The following KIAA0232 variants were observed in gnomAD, a reference collection of about 807,000 sequenced individuals.
The protein encoded by KIAA0232 is KIAA0232, also known as uncharacterized protein KIAA0232.
Under a neutral mutation model 122.0 loss-of-function variants are expected in KIAA0232, and 27 were observed. The ratio of observed to expected loss-of-function variants is 0.22; its 90% CI spans 0.16 to 0.31. KIAA0232 has a LOEUF of 0.31. Ranked by LOEUF, KIAA0232 falls within the 10% of genes least tolerant of loss-of-function variation. The pLI is 1.00. For synonymous variants in KIAA0232, 613 were observed against 587.6 expected (o/e 1.04, Z -0.63); for missense variants, 1,551 against 1,634.2 (o/e 0.95, Z 0.88).
rs1296368725 is a variant in KIAA0232, at chr4:6,826,493, T to C, written c.231+1809T>C. Among the ~76,000 whole-genome samples, 5 of 151,396 alleles carry C rather than the reference T, an allele frequency of 3.3e-5. No homozygotes were observed. In the East Asian group the frequency reaches 5.8e-4, roughly 18 times the overall value. Reference sequence around the variant, plus strand: ...GTACTTTATTGTAAGCATGTACTCATAGGGAATGATTTTTTTTTTTTTTTT... The same window carrying C: ...GTACTTTATTGTAAGCATGTACTCACAGGGAATGATTTTTTTTTTTTTTTT... On this transcript the variant is annotated intron_variant, in intron 3 of 9. Coordinates refer to ENST00000307659, the MANE Select transcript of KIAA0232 (RefSeq NM_014743.3).
At chr4:6,831,578 AG>A (rs1240853876) in intron 3 of KIAA0232, among the ~76,000 whole-genome samples, 2 of 152,190 alleles carry the variant, frequency 1.3e-5, no homozygotes, top group Non-Finnish European at 2.9e-5. Context: ...CTTTTTATTG[AG>A]GCATAAAATG....
chr4:6,829,371 A>G (rs149053128), intron 3 of KIAA0232, among the ~76,000 whole-genome samples: 64 of 152,198 alleles, frequency 4.2e-4, no homozygotes, highest in South Asian at 2.7e-3. Flanking sequence ...TGATACTTTT[A>G]CCATCCATTG....
chr4:6,823,648 A>G (rs112452468), intron 2 of KIAA0232, among the ~76,000 whole-genome samples: 11 of 152,200 alleles, frequency 7.2e-5, no homozygotes, highest in African/African-American at 2.4e-4. Flanking sequence ...TTATACTTAG[A>G]TATGAACTAG....
At chr4:6,854,850 A>G (rs989295481) in intron 4 of KIAA0232, among the ~76,000 whole-genome samples, 1 of 152,168 alleles carries the variant, frequency 6.6e-6, no homozygotes. Flanking sequence ...TCAAAATATT[A>G]TTGAATGGCC....
Position 6,855,380 on chromosome 4 carries a change from G to A in KIAA0232, c.370-1784G>A, listed in dbSNP as rs533409872. Among the ~76,000 whole-genome samples, 27 of 152,054 alleles carry A rather than the reference G, an allele frequency of 1.8e-4. 1 individual carries two copies. Among genetic ancestry groups the A allele is most frequent in the South Asian group, 4.2e-4 (2 of 4,814 alleles). ...TGGGATTACAGGTGTGAGCCGCTGC[G>A]CCCAGCTGATTTTTTAAAAAAATAT... On this transcript the variant is annotated intron_variant, in intron 4 of 9. Transcript: ENST00000307659. The surrounding 1 kb of genome is among the most constrained non-coding windows in gnomAD (Gnocchi z 4.3).
In KIAA0232 at chr4:6,861,512, A is replaced by T; in HGVS notation, c.1130A>T (p.Asp377Val). The T allele has an allele frequency of 6.2e-7, 1 of 1,614,122 alleles. No homozygotes were observed. Among genetic ancestry groups the T allele is most frequent in the Non-Finnish European group, 8.5e-7 (1 of 1,180,004 alleles). The change falls in exon 7 of 10, where the codon GAT (aspartate) becomes GTT (valine). Residue 377 changes from aspartate (D) to valine (V), a missense_variant. Transcript: ENST00000307659. ...CCTTTAAAAGAAATAGGGAGAAAAG[A>T]TCCTGGGAGCACTGAAGGAAAAGAC... ...KRPLKEIGRK[D>V]PGSTEGKDLY...
rs1347285404 is a variant in KIAA0232 at position 6,880,788 on chromosome 4, T to C, written c.4010T>C (p.Val1337Ala). 6.5e-7 allele frequency: 1 copy of C among 1,532,900 alleles called. No individual in the cohort carries two copies. Among genetic ancestry groups the C allele is most frequent in the Non-Finnish European group, 8.8e-7 (1 of 1,136,922 alleles). The allele number at this position is 1,532,900 out of a possible 1,614,324, so 95.0% of individuals were successfully genotyped here. The change falls in exon 10 of 10, where the codon GTG becomes GCG. Residue 1337 changes from valine (V) to alanine (A), a missense_variant and splice_region_variant. Physicochemically the swap from Val to Ala is moderately conservative, Grantham distance 64. Around this residue, in one of 5 missense-constraint regions of KIAA0232, gnomAD observed 1,108 missense variants for 1,154.8 expected, o/e 0.96. Coordinates refer to ENST00000307659, the MANE Select transcript of KIAA0232 (RefSeq NM_014743.3). ...NEERLLDFNR[V>A]SSVYEARCTG... ...TGTTGAAAATTGTTTTAATCTTAGG[T>C]GTCTTCTGTTTATGAAGCAAGATGT...
At chr4:6,832,418 G>A (rs1174329132) in intron 3 of KIAA0232, among the ~76,000 whole-genome samples, 4 of 148,820 alleles carry the variant, frequency 2.7e-5, no homozygotes, top group African/African-American at 9.9e-5. Context: ...GCGTGATCTC[G>A]GCTCACTGCA....
At position 6,846,403 on chromosome 4, in the gene KIAA0232, CT is replaced by C. The variant is rs1006249386; in HGVS notation, c.369+4200del. Among the ~76,000 whole-genome samples the C allele has an allele frequency of 4.8e-4, 73 of 152,288 alleles. 1 individual carries two copies. In the Middle Eastern group the frequency reaches 0.01, roughly 21 times the overall value. On this transcript the variant is annotated intron_variant, in intron 4 of 9. Transcript: ENST00000307659. ...GTGAACAGCGAGCAAGCTTTACCGC[CT>C]GAGCTCCGCCTCAGATCCGTTGTGG...
chr4:6,836,333 T>G (rs1288614653), intron 3 of KIAA0232, among the ~76,000 whole-genome samples: 1 of 151,312 alleles, frequency 6.6e-6, no homozygotes, highest in African/African-American at 2.4e-5. Context: ...TGTTTTTTGT[T>G]TTGTTTTTTT....
intron 3 of KIAA0232, among the ~76,000 whole-genome samples, chr4:6,834,612 A>T (rs1354836853): frequency 6.6e-6 from 1 of 152,210 alleles, no homozygotes; most frequent in Non-Finnish European, 1.5e-5. Flanking sequence ...AAACATGGTC[A>T]CTATAATATT....
Position 6,882,472 on chromosome 4 carries a change from A to G in KIAA0232, c.*1506A>G, listed in dbSNP as rs1001370630. 6.6e-6 allele frequency: 1 copy of G among 152,070 alleles called. No homozygotes were observed. The highest frequency in any genetic ancestry group is 1.5e-5 in the Non-Finnish European group (1 of 68,020). The allele number at this position is 152,070 out of a possible 1,614,324, so 9.4% of individuals were successfully genotyped here. A position where few individuals can be genotyped will look rare whatever the true frequency, so the allele number is the denominator to read the frequency against. The stretch of plus-strand genomic sequence containing the variant: ...TTTTGTTGCCTTTTTCTTAATTGAT[A>G]ACACAGAAAAGAAAGTACCATCAAA... On this transcript the variant is annotated 3_prime_UTR_variant, in exon 10 of 10. Transcript: ENST00000307659.
intron 2 of KIAA0232, among the ~76,000 whole-genome samples, chr4:6,817,678 T>A (rs1296746232): frequency 6.6e-6 from 1 of 152,230 alleles, no homozygotes; most frequent in Admixed American, 6.5e-5. Context: ...ATACAGTTTA[T>A]CTTAGGTCAA....
intron 3 of KIAA0232, among the ~76,000 whole-genome samples, chr4:6,836,732 T>A (rs1161213295): frequency 6.6e-6 from 1 of 152,054 alleles, no homozygotes. Flanking sequence ...TACGTGAGAT[T>A]AGGGAGCGGT....
At chr4:6,851,153 G>A (rs1720261235) in intron 4 of KIAA0232, among the ~76,000 whole-genome samples, 1 of 152,084 alleles carries the variant, frequency 6.6e-6, no homozygotes, top group African/African-American at 2.4e-5. Flanking sequence ...TTTCTTATAT[G>A]AATTACTTTG....
intron 1 of KIAA0232, among the ~76,000 whole-genome samples, chr4:6,783,980 AG>A (rs1716491495): frequency 6.6e-6 from 1 of 152,150 alleles, no homozygotes; most frequent in African/African-American, 2.4e-5. Context: ...TGTGGTGCGC[AG>A]GTGACAGGAC....
At chr4:6,837,251 G>A (rs1327896914) in intron 3 of KIAA0232, among the ~76,000 whole-genome samples, 1 of 151,160 alleles carries the variant, frequency 6.6e-6, no homozygotes, top group African/African-American at 2.4e-5. Flanking sequence ...GCGGGTCACA[G>A]ACGCTCCTCA....
intron 2 of KIAA0232, among the ~76,000 whole-genome samples, chr4:6,814,148 T>A (rs1380327285): frequency 6.6e-6 from 1 of 152,184 alleles, no homozygotes; most frequent in East Asian, 1.9e-4. Context: ...TTTAAATGTA[T>A]GGAGATTGCT....
intron 2 of KIAA0232, among the ~76,000 whole-genome samples, chr4:6,818,517 C>T (rs1400971598): frequency 6.6e-6 from 1 of 151,196 alleles, no homozygotes; most frequent in African/African-American, 2.4e-5. Context: ...CCTAGGAGTA[C>T]ATCTCACGAA....
Sources: allele counts gnomAD v4.1 joint callset (sites outside exome capture counted in the v4.1 genomes callset), GRCh38; gene constraint gnomAD v4.1.1; regional missense constraint gnomAD v4.1.1; non-coding constraint Gnocchi (gnomAD v3.1); transcripts MANE v1.5; gene names NCBI Gene and HGNC (gene_info 2026-07-23, HGNC 2026-07-21).